CA10: variants seen among roughly 807,000 people sequenced by gnomAD.
CA10 encodes carbonic anhydrase 10 (inactive).
In CA10, 14 loss-of-function variants were observed where a neutral mutation model predicts 44.2. The ratio of observed to expected loss-of-function variants is 0.32; its 90% CI spans 0.21 to 0.50. The LOEUF is 0.50. CA10 is among the 20% of genes least tolerant of loss of function. The pLI, the probability that CA10 is intolerant of heterozygous loss-of-function variation, is 0.99. For missense variants in CA10, 350 were observed against 409.7 expected (o/e 0.85, Z 1.26); for synonymous variants, 159 against 141.6 (o/e 1.12, Z -0.87).
intron 4 of CA10, among the ~76,000 whole-genome samples, chr17:51,744,085 C>T (rs1031734316): frequency 1.3e-5 from 2 of 151,998 alleles, no homozygotes; most frequent in African/African-American, 4.8e-5. Context: ...TTCGGGAGGC[C>T]GAGGTGGGCA....
intron 2 of CA10, among the ~76,000 whole-genome samples, chr17:52,050,448 C>A (rs1324021359): frequency 2.0e-5 from 3 of 152,176 alleles, no homozygotes; most frequent in East Asian, 3.9e-4. Flanking sequence ...TGATTCTCCC[C>A]ACAACGGCTA....
At chr17:52,022,054 C>T (rs1986158329) in intron 2 of CA10, among the ~76,000 whole-genome samples, 1 of 151,960 alleles carries the variant, frequency 6.6e-6, no homozygotes, top group South Asian at 2.1e-4. Context: ...AGCCCTTTGG[C>T]TAAGATCAAG....
rs577346180 is a variant in CA10 at position 51,999,573 on chromosome 17, G to C, written c.137-68441C>G. Among the ~76,000 whole-genome samples the C allele has an allele frequency of 3.9e-5, 6 of 152,066 alleles. No homozygotes were observed. The East Asian group carries it at 1.2e-3, about 30-fold the overall frequency. The stretch of plus-strand genomic sequence containing the variant: ...AGTTGTGAGTGTGGGGCAGTGACTG[G>C]GCCTGCAGCACCTTCAGTTCCTGCT... On this transcript the variant is annotated intron_variant, in intron 2 of 8. Coordinates refer to ENST00000451037, the MANE Select transcript of CA10 (RefSeq NM_020178.5).
intron 3 of CA10, among the ~76,000 whole-genome samples, chr17:51,884,669 C>T (rs1192867030): frequency 6.6e-6 from 1 of 152,174 alleles, no homozygotes; most frequent in African/African-American, 2.4e-5. Flanking sequence ...TGCTGTGTTA[C>T]AAATTAGCAC....
intron 1 of CA10, among the ~76,000 whole-genome samples, chr17:52,132,143 T>C (rs901079076): frequency 2.0e-5 from 3 of 152,094 alleles, no homozygotes; most frequent in Admixed American, 6.6e-5. Context: ...GGGCACATTA[T>C]GTACATGTAC....
At chr17:51,634,722 A>G (rs566110349) in intron 7 of CA10, among the ~76,000 whole-genome samples, 24 of 152,312 alleles carry the variant, frequency 1.6e-4, no homozygotes, top group Middle Eastern at 3.4e-3. Context: ...TGTGCAAAAT[A>G]CTACATATCA....
chr17:52,108,491 G>A (rs373517265), intron 1 of CA10, among the ~76,000 whole-genome samples: 2 of 151,526 alleles, frequency 1.3e-5, no homozygotes, highest in Admixed American at 6.6e-5. Flanking sequence ...GAGGTCAGGA[G>A]TTCGAGACCA....
intron 2 of CA10, among the ~76,000 whole-genome samples, chr17:52,019,123 C>T (rs1986058805): frequency 6.6e-6 from 1 of 152,046 alleles, no homozygotes; most frequent in South Asian, 2.1e-4. Flanking sequence ...AGCTATGAGA[C>T]AAATAAACCT....
At chr17:52,021,921 C>T (rs1024441164) in intron 2 of CA10, among the ~76,000 whole-genome samples, 11 of 151,934 alleles carry the variant, frequency 7.2e-5, no homozygotes, top group Non-Finnish European at 1.0e-4. Flanking sequence ...TAAAAGACTA[C>T]CAACCAAAAA....
intron 2 of CA10, among the ~76,000 whole-genome samples, chr17:51,971,632 TTAG>T (rs1257767301): frequency 6.6e-6 from 1 of 152,022 alleles, no homozygotes; most frequent in African/African-American, 2.4e-5. Flanking sequence ...TGATTTTTTA[TTAG>T]TAGGCAAACC....
chr17:51,740,349 C>T (rs565786973), intron 4 of CA10, among the ~76,000 whole-genome samples: 5 of 152,266 alleles, frequency 3.3e-5, no homozygotes, highest in Admixed American at 1.3e-4. Flanking sequence ...TTGAATTTCC[C>T]TACCAAGCTA....
chr17:51,686,869 A>T (rs1915027941), intron 4 of CA10, among the ~76,000 whole-genome samples: 2 of 152,066 alleles, frequency 1.3e-5, no homozygotes, highest in Non-Finnish European at 2.9e-5. Flanking sequence ...ACCTACAGCT[A>T]CTCCACCAGC....
chr17:52,029,022 A>C (rs981866341), intron 2 of CA10, among the ~76,000 whole-genome samples: 1 of 152,200 alleles, frequency 6.6e-6, no homozygotes, highest in Non-Finnish European at 1.5e-5. Context: ...CTTATCTAAA[A>C]CTACTGGATA....
chr17:51,957,979 A>G (rs983600925), intron 2 of CA10, among the ~76,000 whole-genome samples: 9 of 151,900 alleles, frequency 5.9e-5, no homozygotes, highest in African/African-American at 2.2e-4. Flanking sequence ...TGTAAAATAC[A>G]GCACTCAGCA....
chr17:52,112,046 G>C (rs2143287513), intron 1 of CA10, among the ~76,000 whole-genome samples: 1 of 152,226 alleles, frequency 6.6e-6, no homozygotes, highest in South Asian at 2.1e-4. Context: ...TCACCCTCAT[G>C]AAGTCAAGGA....
At chr17:52,099,860 A>G (rs553524726) in intron 1 of CA10, among the ~76,000 whole-genome samples, 12 of 152,230 alleles carry the variant, frequency 7.9e-5, no homozygotes, top group Non-Finnish European at 1.6e-4. Flanking sequence ...GCAGGGCCTG[A>G]CTATATGTGA....
intron 3 of CA10, among the ~76,000 whole-genome samples, chr17:51,774,574 G>C (rs1905739107): frequency 6.6e-6 from 1 of 152,040 alleles, no homozygotes; most frequent in Non-Finnish European, 1.5e-5. Flanking sequence ...CTAGTAGCTG[G>C]GACTACAGGC....
At chr17:51,844,734 T>G (rs2143810867) in intron 3 of CA10, among the ~76,000 whole-genome samples, 1 of 152,308 alleles carries the variant, frequency 6.6e-6, no homozygotes, top group Middle Eastern at 3.4e-3. Context: ...AGGCAGAGCC[T>G]AATTCCCCTC....
intron 2 of CA10, among the ~76,000 whole-genome samples, chr17:52,051,822 T>C (rs184297470): frequency 8.2e-4 from 125 of 152,162 alleles, no homozygotes; most frequent in African/African-American, 2.7e-3. Flanking sequence ...TAAAGACACA[T>C]GCATACATAT....
Sources: allele counts gnomAD v4.1 joint callset (sites outside exome capture counted in the v4.1 genomes callset), GRCh38; gene constraint gnomAD v4.1.1; transcripts MANE v1.5; gene names NCBI Gene and HGNC (gene_info 2026-07-23, HGNC 2026-07-21).